Variants in RBFOX2 observed in about 807,000 individuals in gnomAD.
RBFOX2 encodes RNA binding protein fox-1 homolog 2.
A neutral mutation model predicts 49.1 loss-of-function variants in RBFOX2; 10 were observed. That is an observed-to-expected ratio of 0.20 (90% CI 0.13 to 0.35). The LOEUF is 0.35. Among genes scored for constraint, RBFOX2 ranks in the 10% least tolerant of loss-of-function variants. RBFOX2 has a pLI of 1.00. For synonymous variants in RBFOX2, 183 were observed against 187.4 expected (o/e 0.98, Z 0.19); for missense variants, 323 against 486.9 (o/e 0.66, Z 3.17).
exon 12 of RBFOX2, chr22:35,739,711 G>A (rs1206827042): frequency 6.6e-6 from 1 of 152,572 alleles, no homozygotes; most frequent in Non-Finnish European, 1.5e-5. Context: ...TGGGAAACTG[G>A]TGTTGGTAAC....
intron 4 of RBFOX2, among the ~76,000 whole-genome samples, chr22:35,776,108 TAC>T (rs1943862305): frequency 6.6e-6 from 1 of 152,176 alleles, no homozygotes; most frequent in Admixed American, 6.6e-5. Flanking sequence ...GATAGTAGTT[TAC>T]AGAGTGGCCA....
At chr22:36,005,248 T>C (rs2058576360) in intron 1 of RBFOX2, among the ~76,000 whole-genome samples, 1 of 152,164 alleles carries the variant, frequency 6.6e-6, no homozygotes, top group African/African-American at 2.4e-5. Flanking sequence ...CCACCACCAA[T>C]CAGTGGCATA....
At chr22:35,870,374 A>G (rs552777026) in intron 1 of RBFOX2, among the ~76,000 whole-genome samples, 1 of 152,240 alleles carries the variant, frequency 6.6e-6, no homozygotes, top group African/African-American at 2.4e-5. Context: ...GAGGAGGCTG[A>G]GGCAGGTGAA....
upstream of RBFOX2, among the ~76,000 whole-genome samples, chr22:35,964,340 G>A (rs2149973855): frequency 6.6e-6 from 1 of 152,238 alleles, no homozygotes; most frequent in South Asian, 2.1e-4. Flanking sequence ...ATTACTAACA[G>A]TATTAAACTC....
chr22:35,965,167 A>G (rs180770839), upstream of RBFOX2, among the ~76,000 whole-genome samples: 1 of 152,342 alleles, frequency 6.6e-6, no homozygotes, highest in Non-Finnish European at 1.5e-5. Context: ...AGTTCATTTA[A>G]GTAAATGAGG....
intron 1 of RBFOX2, among the ~76,000 whole-genome samples, chr22:35,858,500 C>A (rs374153420): frequency 3.5e-4 from 53 of 152,216 alleles, no homozygotes; most frequent in East Asian, 2.1e-3. Flanking sequence ...AAGGATAGAA[C>A]CTGTCCATCC....
intron 1 of RBFOX2, among the ~76,000 whole-genome samples, chr22:36,011,244 G>A (rs937349570): frequency 1.3e-5 from 2 of 152,152 alleles, no homozygotes; most frequent in African/African-American, 4.8e-5. Context: ...ATGGAGAGAC[G>A]AGGATACCTA....
At chr22:35,821,811 T>C (rs1006077142) in intron 1 of RBFOX2, 1 of 518,620 alleles carries the variant, frequency 1.9e-6, no homozygotes, top group Non-Finnish European at 3.8e-6. Context: ...CATAGGACTG[T>C]AGGACCTGGC....
At position 35,892,418 on chromosome 22, in the gene RBFOX2, C is replaced by A. The variant is rs528679685; in HGVS notation, c.-34+46429G>T. 4.8e-4 allele frequency among the ~76,000 whole-genome samples: 73 copies of A among 152,246 alleles called. 1 individual carries two copies. The highest frequency in any genetic ancestry group is 3.3e-3 in the South Asian group (16 of 4,820). On this transcript the variant is annotated intron_variant, in intron 1 of 13. Transcript: ENST00000359369. The stretch of plus-strand genomic sequence containing the variant: ...AAATCTGGCAAAGCAGCATAGAGAG[C>A]GCACAAGATAGCATTCTATCTCAGA...
chr22:35,981,910 T>C (rs1216659941), intron 1 of RBFOX2, among the ~76,000 whole-genome samples: 2 of 152,150 alleles, frequency 1.3e-5, no homozygotes, highest in African/African-American at 4.8e-5. Context: ...TCAGCATCTA[T>C]TTTATCCAGC....
At chr22:35,747,540 C>G (rs1933205025) in intron 9 of RBFOX2, 1 of 152,192 alleles carries the variant, frequency 6.6e-6, no homozygotes, top group African/African-American at 2.4e-5. Flanking sequence ...CAGGGTGAAT[C>G]ATGCACTCTT....
At chr22:35,986,371 C>A (rs1385157360) in intron 1 of RBFOX2, among the ~76,000 whole-genome samples, 3 of 152,128 alleles carry the variant, frequency 2.0e-5, no homozygotes, top group Non-Finnish European at 4.4e-5. Flanking sequence ...CAAACTGAGA[C>A]CCATGGTTTG....
At chr22:35,956,992 G>A (rs1472161728) in intron 1 of RBFOX2, among the ~76,000 whole-genome samples, 3 of 152,144 alleles carry the variant, frequency 2.0e-5, no homozygotes, top group Admixed American at 6.5e-5. Flanking sequence ...CTACTCAGTC[G>A]TCATTACATT....
chr22:35,918,046 T>C (rs978813785), intron 1 of RBFOX2, among the ~76,000 whole-genome samples: 10 of 152,190 alleles, frequency 6.6e-5, no homozygotes, highest in Admixed American at 5.9e-4. Context: ...ACGGGGGTGA[T>C]ATGATTAAAT....
intron 1 of RBFOX2, among the ~76,000 whole-genome samples, chr22:35,955,180 G>C (rs1379623517): frequency 2.0e-5 from 3 of 152,184 alleles, no homozygotes; most frequent in Non-Finnish European, 4.4e-5. Context: ...TGAAAGATTA[G>C]AGAACTAGAG....
At chr22:36,017,668 G>A (rs2059093603) in intron 1 of RBFOX2, among the ~76,000 whole-genome samples, 1 of 152,184 alleles carries the variant, frequency 6.6e-6, no homozygotes, top group South Asian at 2.1e-4. Context: ...CTACACTCCA[G>A]AATCCTGCAG....
At chr22:35,820,653 T>C (rs913633657) in intron 1 of RBFOX2, among the ~76,000 whole-genome samples, 2 of 152,238 alleles carry the variant, frequency 1.3e-5, no homozygotes, top group African/African-American at 4.8e-5. Context: ...CAGATCTAAT[T>C]CATCTTTGTA....
intron 1 of RBFOX2, among the ~76,000 whole-genome samples, chr22:35,927,124 T>C (rs1003364322): frequency 1.3e-5 from 2 of 152,248 alleles, no homozygotes; most frequent in African/African-American, 2.4e-5. Flanking sequence ...CATACAGACA[T>C]GTTAAACGAT....
At chr22:35,817,643 TC>T (rs1953424482) in intron 1 of RBFOX2, among the ~76,000 whole-genome samples, 2 of 152,058 alleles carry the variant, frequency 1.3e-5, no homozygotes, top group African/African-American at 4.8e-5. Context: ...AAAGTGCAAA[TC>T]TACTGAAATG....
Sources: gnomAD v4.1 joint callset for allele counts (sites outside exome capture counted in the v4.1 genomes callset) on GRCh38, gnomAD v4.1.1 for gene constraint, MANE v1.5 for transcripts, NCBI Gene and HGNC (gene_info 2026-07-23, HGNC 2026-07-21) for gene names.